SLC44A1: variants seen among roughly 807,000 people sequenced by gnomAD.
SLC44A1 encodes choline transporter-like protein 1.
Under a neutral mutation model 79.3 loss-of-function variants are expected in SLC44A1, and 26 were observed. That is an observed-to-expected ratio of 0.33 (90% CI 0.24 to 0.46). The LOEUF is 0.46. SLC44A1 is among the 20% of genes least tolerant of loss of function. The probability of loss-of-function intolerance (pLI) is 1.00; values close to 1 mark genes in which losing one functional copy is unlikely to be tolerated. For synonymous variants in SLC44A1, 263 were observed against 286.2 expected (o/e 0.92, Z 0.82); for missense variants, 688 against 798.1 (o/e 0.86, Z 1.66).
At chr9:105,303,872 A>G (rs989923274) in intron 2 of SLC44A1, among the ~76,000 whole-genome samples, 1 of 152,168 alleles carries the variant, frequency 6.6e-6, no homozygotes, top group Non-Finnish European at 1.5e-5. Context: ...TTCCTTTAGT[A>G]TGTTGTTAGG....
intron 14 of SLC44A1, among the ~76,000 whole-genome samples, chr9:105,383,888 A>G (rs894508645): frequency 3.3e-5 from 5 of 152,236 alleles, no homozygotes; most frequent in African/African-American, 1.2e-4. Context: ...ATTAGTCAAG[A>G]TCTGAACCTT....
At chr9:105,313,500 G>T (rs544704256) in intron 3 of SLC44A1, among the ~76,000 whole-genome samples, 16 of 152,110 alleles carry the variant, frequency 1.1e-4, no homozygotes, top group African/African-American at 3.9e-4. Context: ...GTGAGGGGAG[G>T]TTCCCCTTCT....
In SLC44A1 at chr9:105,364,633, T is replaced by A; in HGVS notation, c.1166T>A (p.Val389Glu). ...CTGCAGTACATGTGGTGGTACCATG[T>A]GGTGGGCCTGATTTGGATCAGTGAA... ...GPLQYMWWYH[V>E]VGLIWISEFI... is the part of the protein sequence containing the mutation. Residue 389 changes from valine (V) to glutamate (E), a missense_variant, in exon 10 of 16, where the codon GTG becomes GAG. By Grantham distance (121) the Val-to-Glu change is moderately radical (BLOSUM62 -2). Coordinates refer to ENST00000374720, the MANE Select transcript of SLC44A1 (RefSeq NM_080546.5). 1 of 1,614,116 alleles carries A rather than the reference T, an allele frequency of 6.2e-7. No individual in the cohort carries two copies. The highest frequency in any genetic ancestry group is 8.5e-7 in the Non-Finnish European group (1 of 1,179,972).
intron 5 of SLC44A1, among the ~76,000 whole-genome samples, chr9:105,353,317 A>G (rs1405660914): frequency 6.6e-6 from 1 of 152,202 alleles, no homozygotes; most frequent in Non-Finnish European, 1.5e-5. Context: ...TGAAAGGTTA[A>G]GTTCAGGGCA....
At chr9:105,322,995 G>A (rs1456091762) in intron 3 of SLC44A1, among the ~76,000 whole-genome samples, 2 of 151,410 alleles carry the variant, frequency 1.3e-5, no homozygotes, top group African/African-American at 2.4e-5. Context: ...GGTCAAGGCG[G>A]GCGGGTTACT....
intron 12 of SLC44A1, among the ~76,000 whole-genome samples, chr9:105,371,475 C>G (rs1345708457): frequency 6.7e-6 from 1 of 149,616 alleles, no homozygotes; most frequent in African/African-American, 2.5e-5. Context: ...CGCCTGTAAT[C>G]CCAGCACTTT....
At chr9:105,339,472 T>A (rs1765413846) in intron 4 of SLC44A1, among the ~76,000 whole-genome samples, 1 of 152,190 alleles carries the variant, frequency 6.6e-6, no homozygotes, top group South Asian at 2.1e-4. Context: ...CATTGTAGCA[T>A]TATTCACAAT....
intron 14 of SLC44A1, among the ~76,000 whole-genome samples, 154 bp from the exon 15 acceptor site, chr9:105,385,268 C>T (rs954062376): frequency 6.6e-6 from 1 of 152,152 alleles, no homozygotes; most frequent in African/African-American, 2.4e-5. Flanking sequence ...AATTTAGCAA[C>T]TCTCATGTGT....
At chr9:105,430,327 A>G (rs1261088865) in intron 15 of SLC44A1, among the ~76,000 whole-genome samples, 1 of 152,162 alleles carries the variant, frequency 6.6e-6, no homozygotes, top group Non-Finnish European at 1.5e-5. Flanking sequence ...TGTTTACTTC[A>G]TGGTTTTTGG....
At chr9:105,379,568 A>G (rs1052501899) in intron 13 of SLC44A1, among the ~76,000 whole-genome samples, 1 of 152,206 alleles carries the variant, frequency 6.6e-6, no homozygotes, top group Non-Finnish European at 1.5e-5. Context: ...TTTAAATTCA[A>G]TTTTAAAACT....
At chr9:105,311,856 C>T (rs902891095) in intron 3 of SLC44A1, among the ~76,000 whole-genome samples, 1 of 152,128 alleles carries the variant, frequency 6.6e-6, no homozygotes, top group Non-Finnish European at 1.5e-5. Context: ...TATAATATTT[C>T]GATCTGAAAA....
At chr9:105,261,775 C>CTTTT (rs35530318) in intron 1 of SLC44A1, among the ~76,000 whole-genome samples, 29 of 111,684 alleles carry the variant, frequency 2.6e-4, no homozygotes, top group African/African-American at 3.8e-4. Flanking sequence ...CTCTCTCTCT[C>CTTTT]TTTTTTTTTT....
Position 105,389,338 on chromosome 9 carries a change from G to A in SLC44A1, c.*282G>A. 1 of 1,138,984 alleles carries A rather than the reference G, an allele frequency of 8.8e-7. No homozygotes were observed. The highest frequency in any genetic ancestry group is 1.1e-6 in the Non-Finnish European group (1 of 929,304). The allele number at this position is 1,138,984 out of a possible 1,614,324, so 70.6% of individuals were successfully genotyped here. A position where few individuals can be genotyped will look rare whatever the true frequency, so the allele number is the denominator to read the frequency against. On this transcript the variant is annotated 3_prime_UTR_variant, in exon 16 of 16. Coordinates refer to ENST00000374720, the MANE Select transcript of SLC44A1 (RefSeq NM_080546.5). The stretch of plus-strand genomic sequence containing the variant: ...TGTTTTCAACTGTAATTGTCTTAAT[G>A]GAAATGTTAAAATTCATATCTGATT...
At chr9:105,322,244 G>A (rs568892085) in intron 3 of SLC44A1, among the ~76,000 whole-genome samples, 23 of 152,302 alleles carry the variant, frequency 1.5e-4, no homozygotes, top group African/African-American at 5.5e-4. Flanking sequence ...CCATGGGTTG[G>A]ATATAAGACA....
intron 4 of SLC44A1, among the ~76,000 whole-genome samples, chr9:105,338,183 CAGAG>C (rs1826981598): frequency 6.6e-6 from 1 of 152,116 alleles, no homozygotes; most frequent in Non-Finnish European, 1.5e-5. Context: ...AAAATTATAT[CAGAG>C]AGAGAGCCTT....
At chr9:105,420,076 G>A (rs1212699128) in intron 15 of SLC44A1, among the ~76,000 whole-genome samples, 4 of 152,130 alleles carry the variant, frequency 2.6e-5, no homozygotes, top group Admixed American at 1.3e-4. Flanking sequence ...TCGAGCATTT[G>A]ATTAGAGGAA....
chr9:105,371,665 G>C (rs1828105477), intron 12 of SLC44A1, among the ~76,000 whole-genome samples: 1 of 143,842 alleles, frequency 7.0e-6, no homozygotes, highest in African/African-American at 2.6e-5. Flanking sequence ...CTTGCAGTGA[G>C]CTGAGATCGT....
chr9:105,351,804 T>G (rs1042811470), intron 5 of SLC44A1, among the ~76,000 whole-genome samples: 2 of 152,184 alleles, frequency 1.3e-5, no homozygotes, highest in African/African-American at 2.4e-5. Context: ...TCATTTAACC[T>G]TCACAAAAAT....
intron 4 of SLC44A1, among the ~76,000 whole-genome samples, chr9:105,341,062 G>A (rs144774900): frequency 1.3e-5 from 2 of 152,168 alleles, no homozygotes; most frequent in Non-Finnish European, 2.9e-5. Flanking sequence ...CTGGCCAGGC[G>A]CATGGCTCAC....
Sources: allele counts gnomAD v4.1 joint callset (sites outside exome capture counted in the v4.1 genomes callset), GRCh38; gene constraint gnomAD v4.1.1; transcripts MANE v1.5; gene names NCBI Gene and HGNC (gene_info 2026-07-23, HGNC 2026-07-21).